Variants in HDAC9 observed in about 807,000 individuals in gnomAD.
HDAC9 encodes histone deacetylase 9.
Under a neutral mutation model 139.4 loss-of-function variants are expected in HDAC9, and 41 were observed. The ratio of observed to expected loss-of-function variants is 0.29; its 90% confidence interval spans 0.23 to 0.38. The LOEUF (loss-of-function observed/expected upper bound fraction) is 0.38. Ranked by LOEUF, HDAC9 falls within the 10% of genes least tolerant of loss-of-function variation. The pLI, the probability that HDAC9 is intolerant of heterozygous loss-of-function variation, is 1.00. For missense variants in HDAC9, 1,147 were observed against 1,297.0 expected, an observed-to-expected ratio of 0.88 and a Z score of 1.78; for synonymous variants, 517 against 476.2, an observed-to-expected ratio of 1.09 and a Z score of -1.12.
chr7:18,359,969 G>T (rs1168157627), intron 1 of HDAC9, among the ~76,000 whole-genome samples: 1 of 152,134 alleles, frequency 6.6e-6, no homozygotes, highest in East Asian at 1.9e-4. Flanking sequence ...TTCCTCTGCA[G>T]TTAGGGCTCC....
chr7:18,127,350 T>G (rs1042812150), intron 1 of HDAC9: 1 of 170,244 alleles, frequency 5.9e-6, no homozygotes, highest in Admixed American at 6.6e-5. Context: ...TCATGTTTTA[T>G]TATTACTTGT....
chr7:18,780,656 AG>A (rs1329331333), intron 16 of HDAC9, among the ~76,000 whole-genome samples: 2 of 152,032 alleles, frequency 1.3e-5, no homozygotes, highest in Non-Finnish European at 2.9e-5. Context: ...GGGCCCAAAC[AG>A]GGGTGGTGTT....
At chr7:18,250,922 T>A (rs1423628446) in intron 2 of HDAC9, among the ~76,000 whole-genome samples, 1 of 152,210 alleles carries the variant, frequency 6.6e-6, no homozygotes, top group Non-Finnish European at 1.5e-5. Context: ...TATGTCTTCT[T>A]TTGAAAAGTG....
At chr7:18,464,138 G>C (rs901365904) in intron 1 of HDAC9, among the ~76,000 whole-genome samples, 1 of 151,790 alleles carries the variant, frequency 6.6e-6, no homozygotes, top group Non-Finnish European at 1.5e-5. Flanking sequence ...TTTTTATGGT[G>C]CTAATTTAAC....
chr7:18,347,667 G>A (rs548704499), intron 1 of HDAC9, among the ~76,000 whole-genome samples: 24 of 151,932 alleles, frequency 1.6e-4, no homozygotes, highest in Admixed American at 7.9e-4. Context: ...ATGCAATCTC[G>A]GCTCACTGTA....
intron 16 of HDAC9, among the ~76,000 whole-genome samples, chr7:18,781,192 C>A: frequency 6.6e-6 from 1 of 151,938 alleles, no homozygotes; most frequent in East Asian, 1.9e-4. Context: ...CTCATTTAAC[C>A]TTAATTACCT....
intron 1 of HDAC9, among the ~76,000 whole-genome samples, chr7:18,335,499 G>A (rs1781519536): frequency 6.6e-6 from 1 of 151,484 alleles, no homozygotes; most frequent in African/African-American, 2.4e-5. Flanking sequence ...GCAAGTCTGG[G>A]AAGGCTATTA....
chr7:18,773,362 TATAC>T (rs755955048), intron 16 of HDAC9, among the ~76,000 whole-genome samples: 86 of 116,878 alleles, frequency 7.4e-4, no homozygotes, highest in Non-Finnish European at 1.2e-3. Context: ...TAAAAAACTG[TATAC>T]ACACACACAC....
intron 17 of HDAC9, among the ~76,000 whole-genome samples, chr7:18,794,349 T>C (rs1165132742): frequency 6.6e-6 from 1 of 152,212 alleles, no homozygotes; most frequent in Non-Finnish European, 1.5e-5. Context: ...ATTACTTTTC[T>C]TTATGTCTAG....
intron 14 of HDAC9, among the ~76,000 whole-genome samples, chr7:18,761,060 A>G (rs967548003): frequency 2.0e-5 from 3 of 152,216 alleles, no homozygotes; most frequent in African/African-American, 7.2e-5. Flanking sequence ...CTGTACTTCA[A>G]TATTAACTTA....
At chr7:18,277,535 G>A (rs302172) in intron 2 of HDAC9, among the ~76,000 whole-genome samples, 117,551 of 152,034 alleles carry the variant, frequency 0.77, 45,593 homozygotes, top group South Asian at 0.86. Context: ...TTATTTATAC[G>A]TAGAACTTAT....
rs568014557 is a variant in HDAC9, at chr7:18,896,330, T to A, written c.2803+21734T>A. On this transcript the variant is annotated intron_variant, in intron 22 of 25. Coordinates refer to ENST00000686413, the MANE Select transcript of HDAC9 (RefSeq NM_178425.4). Reference sequence around the variant, plus strand: ...CACTTTAAGAGCCAAGAAAAATATGTATATTTTTTCCAACTTTACAGTAAC... The same window carrying A: ...CACTTTAAGAGCCAAGAAAAATATGAATATTTTTTCCAACTTTACAGTAAC... Among the ~76,000 whole-genome samples, 152 of 152,174 alleles carry A rather than the reference T, an allele frequency of 1.0e-3. 1 individual carries two copies. Among genetic ancestry groups the A allele is most frequent in the Non-Finnish European group, 1.9e-3 (132 of 67,962 alleles).
chr7:18,566,251 C>G (rs1004818791), intron 2 of HDAC9, among the ~76,000 whole-genome samples: 1 of 152,206 alleles, frequency 6.6e-6, no homozygotes, highest in African/African-American at 2.4e-5. Flanking sequence ...TTGACCACAA[C>G]TGAATTTTAT....
At chr7:18,967,178 C>G (rs537648086) in intron 24 of HDAC9, among the ~76,000 whole-genome samples, 6 of 152,244 alleles carry the variant, frequency 3.9e-5, no homozygotes, top group African/African-American at 1.4e-4. Flanking sequence ...AAAATAAAAA[C>G]TAAAACCAAA....
chr7:18,171,058 T>C (rs994685063), intron 2 of HDAC9, among the ~76,000 whole-genome samples: 35 of 152,250 alleles, frequency 2.3e-4, no homozygotes, highest in African/African-American at 6.8e-4. Context: ...TTCCAAGATA[T>C]TGATTCTTCC....
chr7:18,621,835 T>C (rs959689360), intron 6 of HDAC9, among the ~76,000 whole-genome samples: 1 of 152,192 alleles, frequency 6.6e-6, no homozygotes, highest in African/African-American at 2.4e-5. Flanking sequence ...TATGAAACTT[T>C]TAATTAGAGT....
chr7:18,936,803 T>A (rs1332556434), intron 23 of HDAC9, among the ~76,000 whole-genome samples: 1 of 152,154 alleles, frequency 6.6e-6, no homozygotes, highest in Non-Finnish European at 1.5e-5. Context: ...ATATCATTTT[T>A]TTAACTGTAA....
At chr7:18,949,173 G>C (rs1782612597) in intron 23 of HDAC9, 1 of 256,712 alleles carries the variant, frequency 3.9e-6, no homozygotes, top group Admixed American at 4.8e-5. Flanking sequence ...TGATTTTTGT[G>C]CAATTTTGGC....
chr7:18,469,845 T>G (rs78784332), intron 1 of HDAC9, among the ~76,000 whole-genome samples: 3,519 of 152,208 alleles, frequency 0.023, 133 homozygotes, highest in African/African-American at 0.079. Flanking sequence ...AATCATAGGT[T>G]AGATCAACCA....
Sources: allele counts gnomAD v4.1 joint callset (sites outside exome capture counted in the v4.1 genomes callset), GRCh38; gene constraint gnomAD v4.1.1; transcripts MANE v1.5; gene names NCBI Gene and HGNC (gene_info 2026-07-23, HGNC 2026-07-21).